The following SP140L variants were observed in gnomAD, a reference collection of about 807,000 sequenced individuals.
SP140L encodes the protein nuclear body protein SP140-like protein.
Under a neutral mutation model 84.3 loss-of-function variants are expected in SP140L, and 64 were observed. The observed-to-expected ratio is 0.76, with a 90% CI of 0.62 to 0.94. SP140L has a LOEUF of 0.94. SP140L is among the 40% of genes least tolerant of loss of function. SP140L has a pLI of 0.00. For synonymous variants in SP140L, 242 were observed against 236.9 expected (o/e 1.02, Z -0.20); for missense variants, 628 against 692.5 (o/e 0.91, Z 1.05).
In SP140L at chr2:230,328,814, C is replaced by T. The variant is rs146386448; in HGVS notation, c.90C>T (p.His30=). 2.4e-4 allele frequency: 382 copies of T among 1,610,706 alleles called. 1 individual carries two copies. The African/African-American group carries it at 4.8e-3, about 20-fold the overall frequency. Residue 30 remains histidine (H), a synonymous_variant, in exon 2 of 19, where the codon CAC becomes CAT. Transcript: ENST00000415673. ...VANEMNHLPA[H]SQSLQRLFTE... is the part of the protein sequence containing the mutation. ...ATGAGATGAACCATCTTCCTGCACA[C>T]AGCCAAAGTCTGCAAAGGTGATGAA... is the stretch of plus-strand genomic sequence containing the variant.
At chr2:230,395,276 T>C (rs912586112) in intron 13 of SP140L, among the ~76,000 whole-genome samples, 1 of 152,174 alleles carries the variant, frequency 6.6e-6, no homozygotes, top group African/African-American at 2.4e-5. Context: ...TACAGAAGAT[T>C]GACCTCAAAA....
chr2:230,347,080 G>T (rs1425082504), intron 2 of SP140L, among the ~76,000 whole-genome samples: 1 of 152,178 alleles, frequency 6.6e-6, no homozygotes, highest in Non-Finnish European at 1.5e-5. Flanking sequence ...CAGGTCAGCT[G>T]GTAGCATCCA....
chr2:230,345,433 C>A (rs181602638), intron 2 of SP140L, among the ~76,000 whole-genome samples: 7 of 152,224 alleles, frequency 4.6e-5, no homozygotes, highest in Admixed American at 1.3e-4. Context: ...CTTGTTGGAT[C>A]TTGTGGGGTT....
At chr2:230,371,076 T>A in intron 6 of SP140L, 109 bp downstream of exon 6, 7 of 929,852 alleles carry the variant, frequency 7.5e-6, no homozygotes, top group Non-Finnish European at 1.2e-5. Flanking sequence ...TCTGTGCATT[T>A]GCCTCACCCA....
intron 2 of SP140L, among the ~76,000 whole-genome samples, chr2:230,354,156 A>G (rs561394114): frequency 2.0e-5 from 3 of 152,062 alleles, no homozygotes; most frequent in African/African-American, 7.2e-5. Flanking sequence ...TTTTCCTTAC[A>G]CTAGTCTTTC....
Position 230,371,683 on chromosome 2 carries a change from A to G in SP140L, c.637+32A>G, listed in dbSNP as rs755505203. ...ATAAATAAGAATTTACTTGCTTTTG[A>G]TGTTACAAATACATTTTTAATGCCA... On this transcript the variant is annotated intron_variant, in intron 7 of 18. Transcript: ENST00000415673. 3.3e-6 allele frequency: 5 copies of G among 1,513,170 alleles called. No individual in the cohort carries two copies. The South Asian group carries it at 5.8e-5, about 18-fold the overall frequency. The allele number at this position is 1,513,170 out of a possible 1,614,324, so 93.7% of individuals were successfully genotyped here.
intron 7 of SP140L, among the ~76,000 whole-genome samples, chr2:230,381,070 G>A (rs1278388942): frequency 2.0e-5 from 3 of 152,120 alleles, no homozygotes; most frequent in African/African-American, 7.2e-5. Context: ...GGAAGCCCAG[G>A]TGGATGGTGC....
intron 2 of SP140L, among the ~76,000 whole-genome samples, chr2:230,333,405 G>A (rs753497058): frequency 6.6e-6 from 1 of 152,024 alleles, no homozygotes; most frequent in Non-Finnish European, 1.5e-5. Context: ...TGATCCACTC[G>A]CTTCGGCCTC....
At chr2:230,351,901 C>T (rs1464794485) in intron 2 of SP140L, among the ~76,000 whole-genome samples, 3 of 152,202 alleles carry the variant, frequency 2.0e-5, no homozygotes, top group Non-Finnish European at 2.9e-5. Context: ...CCCGCGCCAG[C>T]GTCCCAGAGT....
intron 2 of SP140L, among the ~76,000 whole-genome samples, chr2:230,340,522 G>C (rs2060008650): frequency 7.1e-6 from 1 of 141,632 alleles, no homozygotes; most frequent in African/African-American, 2.6e-5. Flanking sequence ...GTGTGAATTT[G>C]ATCCTGTCAT....
intron 2 of SP140L, among the ~76,000 whole-genome samples, chr2:230,357,174 G>A (rs1286023099): frequency 6.6e-6 from 1 of 152,130 alleles, no homozygotes; most frequent in Non-Finnish European, 1.5e-5. Flanking sequence ...ACTGTATATA[G>A]CAATAGTATG....
chr2:230,357,777 A>G (rs1277568146), intron 2 of SP140L, 28 bp from the exon 3 acceptor site: 1 of 1,587,180 alleles, frequency 6.3e-7, no homozygotes, highest in African/African-American at 1.4e-5. Context: ...CTTGATGACC[A>G]TTTTCATTTG....
intron 5 of SP140L, among the ~76,000 whole-genome samples, chr2:230,366,564 A>G (rs1470667346): frequency 1.3e-5 from 2 of 151,332 alleles, no homozygotes; most frequent in African/African-American, 4.8e-5. Flanking sequence ...TTTTTTTATT[A>G]TTATTCATTC....
At chr2:230,381,857 T>C (rs1042104103) in intron 7 of SP140L, among the ~76,000 whole-genome samples, 2 of 152,182 alleles carry the variant, frequency 1.3e-5, no homozygotes, top group African/African-American at 4.8e-5. Context: ...AGCAAGTTAA[T>C]GCCTGGCTTT....
intron 2 of SP140L, among the ~76,000 whole-genome samples, chr2:230,346,043 T>C (rs2060198031): frequency 6.6e-6 from 1 of 152,182 alleles, no homozygotes; most frequent in Admixed American, 6.5e-5. Flanking sequence ...GAACTCACTT[T>C]AGCAGTTCTT....
intron 2 of SP140L, among the ~76,000 whole-genome samples, chr2:230,333,086 A>G (rs1253763636): frequency 6.6e-6 from 1 of 152,188 alleles, no homozygotes; most frequent in Non-Finnish European, 1.5e-5. Flanking sequence ...GTAAATCTAA[A>G]TGTATAGTTT....
chr2:230,391,690 G>A (rs1451721366), intron 11 of SP140L: 2 of 186,320 alleles, frequency 1.1e-5, no homozygotes, highest in African/African-American at 4.6e-5. Flanking sequence ...CCTAAGTAAG[G>A]ATTCTGCCTC....
chr2:230,396,848 C>G, intron 14 of SP140L, 50 bp downstream of exon 14: 12 of 1,603,054 alleles, frequency 7.5e-6, no homozygotes, highest in Non-Finnish European at 1.0e-5. Context: ...ACTTCTTTCT[C>G]CAGGCATATG....
chr2:230,336,818 C>T (rs2059895821), intron 2 of SP140L, among the ~76,000 whole-genome samples: 1 of 152,184 alleles, frequency 6.6e-6, no homozygotes, highest in Non-Finnish European at 1.5e-5. Flanking sequence ...ACTTCTACTA[C>T]ATAGACTGGT....
Sources: allele counts gnomAD v4.1 joint callset (sites outside exome capture counted in the v4.1 genomes callset), GRCh38; gene constraint gnomAD v4.1.1; transcripts MANE v1.5; gene names NCBI Gene and HGNC (gene_info 2026-07-23, HGNC 2026-07-21).